Variants in JAG2 observed in about 807,000 individuals in gnomAD.
The protein encoded by JAG2 is jagged canonical Notch ligand 2.
Under a neutral mutation model 141.7 loss-of-function variants are expected in JAG2, and 46 were observed. The observed-to-expected ratio is 0.32, with a 90% confidence interval of 0.26 to 0.42. The LOEUF (loss-of-function observed/expected upper bound fraction) is 0.42, where lower values mean the gene tolerates loss of function less well. Among genes scored for constraint, JAG2 ranks in the 10% least tolerant of loss-of-function variants. JAG2 has a pLI of 1.00. For synonymous variants in JAG2, 862 were observed against 763.5 expected (o/e 1.13, Z -2.13); for missense variants, 1,500 against 1,817.5 (o/e 0.83, Z 3.18).
intron 6 of JAG2, 37 bp from the exon 7 acceptor site, chr14:105,152,094 GCCCCCCGCT>G (rs1888453214): frequency 6.2e-7 from 1 of 1,612,966 alleles, no homozygotes; most frequent in East Asian, 2.2e-5. Flanking sequence ...GGAAAAGCCG[GCCCCCCGCT>G]CCCCCACAAC....
Position 105,168,237 on chromosome 14 carries a change from C to T in JAG2, c.66+118G>A, listed in dbSNP as rs1026725991. On this transcript the variant is annotated intron_variant, in intron 1 of 25. Coordinates refer to ENST00000331782, the MANE Select transcript of JAG2 (RefSeq NM_002226.5). Reference sequence around the variant, plus strand: ...CGCGCCCGCCCGGAGCCCCAGCCGCCGCGCGCAGCCTCGAGGGCTTCCGAA... The same window carrying T: ...CGCGCCCGCCCGGAGCCCCAGCCGCTGCGCGCAGCCTCGAGGGCTTCCGAA... 6 of 827,104 alleles carry T rather than the reference C, an allele frequency of 7.3e-6. No homozygotes were observed. In the African/African-American group the frequency reaches 9.4e-5, roughly 13 times the overall value. 51.2% of individuals were successfully genotyped at this position (827,104 alleles called of 1,614,324 possible). A position where few individuals can be genotyped will look rare whatever the true frequency, so the allele number is the denominator to read the frequency against.
chr14:105,149,129 G>GGCCCCCCC, intron 13 of JAG2, 40 bp from the exon 14 acceptor site: 11 of 1,551,902 alleles, frequency 7.1e-6, no homozygotes, highest in Non-Finnish European at 8.7e-6. Flanking sequence ...GCCCGCCCCT[G>GGCCCCCCC]CCCCACCACC....
rs1236868394 is a variant in JAG2, at chr14:105,150,915, G to A, written c.1382-4C>T. 1.9e-6 allele frequency: 3 copies of A among 1,595,166 alleles called. No individual in the cohort carries two copies. Among genetic ancestry groups the A allele is most frequent in the South Asian group, 1.1e-5 (1 of 88,538 alleles). Reference sequence around the variant, plus strand: ...TGCCCGCGACAGTCGTTGACGTCTGGGGGCAGAGGAGCAGGGTCAGAGGCG... The same window carrying A: ...TGCCCGCGACAGTCGTTGACGTCTGAGGGCAGAGGAGCAGGGTCAGAGGCG... On this transcript the variant is annotated splice_polypyrimidine_tract_variant and splice_region_variant and intron_variant, in intron 10 of 25. Coordinates refer to ENST00000331782, the MANE Select transcript of JAG2 (RefSeq NM_002226.5).
In JAG2 at chr14:105,143,711, G is replaced by A; in HGVS notation, c.3085-73C>T. On this transcript the variant is annotated intron_variant, in intron 24 of 25. Coordinates refer to ENST00000331782, the MANE Select transcript of JAG2 (RefSeq NM_002226.5). Reference sequence around the variant, plus strand: ...CCCAGCAGCCTGCCCCCAACACTGAGGCCCTGGCCACACTGGAGCAAGGTG... The same window carrying A: ...CCCAGCAGCCTGCCCCCAACACTGAAGCCCTGGCCACACTGGAGCAAGGTG... The A allele has an allele frequency of 2.6e-6, 4 of 1,568,222 alleles. No homozygotes were observed. In the South Asian group the frequency reaches 3.4e-5, roughly 13 times the overall value.
At chr14:105,151,133 G>A (rs1278243141) in intron 9 of JAG2, 29 bp from the exon 10 acceptor site, 1 of 1,585,852 alleles carries the variant, frequency 6.3e-7, no homozygotes. Flanking sequence ...GGGAGCCGTG[G>A]GGCTCGGGCC....
intron 13 of JAG2, 40 bp from the exon 14 acceptor site, chr14:105,149,129 G>GGCCCCCCCCCC: frequency 3.2e-6 from 5 of 1,551,894 alleles, no homozygotes; most frequent in Non-Finnish European, 4.4e-6. Context: ...GCCCGCCCCT[G>GGCCCCCCCCCC]CCCCACCACC....
chr14:105,149,565 G>A (rs1052369663), intron 12 of JAG2, among the ~76,000 whole-genome samples: 3 of 151,826 alleles, frequency 2.0e-5, no homozygotes, highest in African/African-American at 4.8e-5. Flanking sequence ...ACTGTCCCTC[G>A]GGAGGAGTGT....
intron 2 of JAG2, among the ~76,000 whole-genome samples, chr14:105,160,721 G>C (rs927061155): frequency 2.8e-4 from 42 of 152,244 alleles, no homozygotes; most frequent in African/African-American, 1.0e-3. Flanking sequence ...AAATTAGCCA[G>C]CCATGGTGGC....
At chr14:105,155,025 G>T (rs1888539101) in intron 5 of JAG2, among the ~76,000 whole-genome samples, 1 of 59,102 alleles carries the variant, frequency 1.7e-5, no homozygotes, top group Admixed American at 2.3e-4. Context: ...ATGCCCCACA[G>T]CGGCCTCCCC....
Position 105,146,721 on chromosome 14 carries a change from A to G in JAG2, c.2483T>C (p.Ile828Thr), listed in dbSNP as rs1888236863. The change falls in exon 21 of 26, where the codon ATC (isoleucine) becomes ACC (threonine). Residue 828 changes from isoleucine to threonine, a missense_variant. Ile to Thr is a moderately conservative substitution (Grantham distance 89). This residue lies in a region of JAG2 where 875 missense variants were observed against 1,202.2 expected (regional missense o/e 0.73). Transcript: ENST00000331782. The part of the protein sequence containing the change: ...GFAGPDCRIN[I>T]DECQSSPCAY... ...ACAGGGCGAGGACTGGCACTCGTCG[A>G]TGTCTGCAGGGAGAGCCACCGCTGC... 6.2e-7 allele frequency: 1 copy of G among 1,611,560 alleles called. No individual in the cohort carries two copies. The highest frequency in any genetic ancestry group is 2.2e-5 in the East Asian group (1 of 44,864).
In JAG2 at chr14:105,149,107, G is replaced by C. The variant is rs771284846; in HGVS notation, c.1754-18C>G. 1 of 1,602,868 alleles carries C rather than the reference G, an allele frequency of 6.2e-7. No homozygotes were observed. The highest frequency in any genetic ancestry group is 1.7e-5 in the Admixed American group (1 of 59,416). ...ATCGATCACTATGGCAGGCAGTACA[G>C]TCAGGAGTCAGGCCCGCCCCTGCCC... On this transcript the variant is annotated intron_variant, in intron 13 of 25. Coordinates refer to ENST00000331782, the MANE Select transcript of JAG2 (RefSeq NM_002226.5).
chr14:105,147,565 A>G, intron 18 of JAG2, 38 bp from the exon 19 acceptor site: 1 of 1,598,720 alleles, frequency 6.3e-7, no homozygotes, highest in South Asian at 1.1e-5. Flanking sequence ...ATCAGTACCC[A>G]CCCCCCAAGC....
chr14:105,163,017 C>T (rs1169336444), intron 2 of JAG2, among the ~76,000 whole-genome samples: 1 of 151,784 alleles, frequency 6.6e-6, no homozygotes. Flanking sequence ...CTAACGGCCC[C>T]CCCAGGTCCA....
Position 105,145,003 on chromosome 14 carries a change from A to G in JAG2, c.3011T>C (p.Val1004Ala). ...CAACACCAGCAGGCGGTCCCGTGCC[A>G]CAGCCCTTGTGGCTGGCAGGGAGCG... ...GIRSLPATRA[V>A]ARDRLLVLLC... The change falls in exon 24 of 26, where the codon GTG (valine) becomes GCG (alanine). Residue 1004 changes from valine to alanine, a missense_variant. By Grantham distance (64) the Val-to-Ala change is moderately conservative. Coordinates refer to ENST00000331782, the MANE Select transcript of JAG2 (RefSeq NM_002226.5). 1 of 1,610,028 alleles carries G rather than the reference A, an allele frequency of 6.2e-7. No individual in the cohort carries two copies. Among genetic ancestry groups the G allele is most frequent in the South Asian group, 1.1e-5 (1 of 91,040 alleles).
rs1309278213 is a variant in JAG2, at chr14:105,145,926, G to A, written c.2757C>T (p.Ala919=). Residue 919 remains alanine (A), a synonymous_variant, in exon 23 of 26, where the codon GCC becomes GCT. Coordinates refer to ENST00000331782, the MANE Select transcript of JAG2 (RefSeq NM_002226.5). ...KPCLLAGQPE[A]LSAQCPLGQR... is the part of the protein sequence containing the mutation. Reference sequence around the variant, plus strand: ...GCCCCAGTGGGCACTGGGCGCTCAGGGCCTCGGGCTGGCCGGCCAGCAGAC... The same window carrying A: ...GCCCCAGTGGGCACTGGGCGCTCAGAGCCTCGGGCTGGCCGGCCAGCAGAC... 6.3e-7 allele frequency: 1 copy of A among 1,577,792 alleles called. No individual in the cohort carries two copies. The highest frequency in any genetic ancestry group is 8.6e-7 in the Non-Finnish European group (1 of 1,163,334).
intron 4 of JAG2, 30 bp from the exon 5 acceptor site, chr14:105,155,652 C>G (rs1264809453): frequency 6.2e-7 from 1 of 1,612,298 alleles, no homozygotes; most frequent in Admixed American, 1.7e-5. Context: ...AGAGGCACAG[C>G]TGCAGCCAGC....
rs776830367 is a variant in JAG2 at position 105,142,899 on chromosome 14, G to T, written c.3513C>A (p.His1171Gln). 6.2e-7 allele frequency: 1 copy of T among 1,601,970 alleles called. No individual in the cohort carries two copies. The highest frequency in any genetic ancestry group is 1.7e-5 in the Admixed American group (1 of 58,646). The change falls in exon 26 of 26, where the codon CAC becomes CAA. Residue 1171 changes from histidine to glutamine, a missense_variant. His to Gln is a conservative substitution (Grantham distance 24, BLOSUM62 0). Around this residue, in one of 3 missense-constraint regions of JAG2, gnomAD observed 425 missense variants for 441.0 expected, o/e 0.96. Coordinates refer to ENST00000331782, the MANE Select transcript of JAG2 (RefSeq NM_002226.5). ...ADEALPGPAG[H>Q]AAVREDEEDE... is the part of the protein sequence containing the mutation. ...CCTCCTCATCCTCCCTGACGGCCGCGTGGCCGGCCGGCCCGGGCAGCGCCT... is the reference window on the plus strand; with the variant it reads ...CCTCCTCATCCTCCCTGACGGCCGCTTGGCCGGCCGGCCCGGGCAGCGCCT...
chr14:105,162,786 G>A, intron 2 of JAG2, among the ~76,000 whole-genome samples: 1 of 73,230 alleles, frequency 1.4e-5, no homozygotes, highest in African/African-American at 4.1e-5. Context: ...ACAGTCCAGG[G>A]CACCCCAAAG....
Position 105,151,617 on chromosome 14 carries a change from G to A in JAG2, c.1153+9C>T, listed in dbSNP as rs778346186. The A allele has an allele frequency of 5.0e-6, 8 of 1,594,602 alleles. No homozygotes were observed. The African/African-American group carries it at 9.4e-5, about 19-fold the overall frequency. ...GGCAGGAGTCCCCTACTCACGTGCA[G>A]ACACTCACCAAGGGCACAGGTGGGC... On this transcript the variant is annotated intron_variant, in intron 8 of 25. Coordinates refer to ENST00000331782, the MANE Select transcript of JAG2 (RefSeq NM_002226.5).
Sources: allele counts gnomAD v4.1 joint callset (sites outside exome capture counted in the v4.1 genomes callset), GRCh38; gene constraint gnomAD v4.1.1; regional missense constraint gnomAD v4.1.1; transcripts MANE v1.5; gene names NCBI Gene and HGNC (gene_info 2026-07-23, HGNC 2026-07-21).